TMPRSS11D: variants seen among roughly 807,000 people sequenced by gnomAD.
TMPRSS11D encodes transmembrane serine protease 11D.
Under a neutral mutation model 44.4 loss-of-function variants are expected in TMPRSS11D, and 32 were observed. The ratio of observed to expected loss-of-function variants is 0.72; its 90% CI spans 0.54 to 0.97. The LOEUF (loss-of-function observed/expected upper bound fraction) is 0.97, where lower values mean the gene tolerates loss of function less well. TMPRSS11D is among the 50% of genes least tolerant of loss of function. The pLI, the probability that TMPRSS11D is intolerant of heterozygous loss-of-function variation, is 0.00. For synonymous variants in TMPRSS11D, 179 were observed against 177.9 expected, an observed-to-expected ratio of 1.01 and a Z score of -0.05; for missense variants, 446 against 502.6, an observed-to-expected ratio of 0.89 and a Z score of 1.08.
At chr4:67,877,312 T>G (rs778282387) in intron 1 of TMPRSS11D, among the ~76,000 whole-genome samples, 9 of 152,184 alleles carry the variant, frequency 5.9e-5, no homozygotes, top group Non-Finnish European at 1.0e-4. Flanking sequence ...CAAATTTTTG[T>G]GTGCGTAAGA....
In TMPRSS11D at chr4:67,833,326, G is replaced by A. The variant is rs1174357307; in HGVS notation, c.570C>T (p.Gly190=). The A allele has an allele frequency of 6.3e-7, 1 of 1,591,860 alleles. No homozygotes were observed. The highest frequency in any genetic ancestry group is 8.5e-7 in the Non-Finnish European group (1 of 1,169,592). The change falls in exon 7 of 10, where the codon GGC becomes GGT. Residue 190 remains glycine, a synonymous_variant. Coordinates refer to ENST00000283916, the MANE Select transcript of TMPRSS11D (RefSeq NM_004262.3). ...ITLSEQRILG[G]TEAEEGSWPW... ...GCCAGCTTCCCTCCTCAGCCTCAGT[G>A]CCTCCAAGGATTCTCTGCTCAGACA...
In TMPRSS11D at chr4:67,883,903, A is replaced by G. The variant is rs375326729; in HGVS notation, c.8+23T>C. On this transcript the variant is annotated intron_variant, in intron 1 of 9. Transcript: ENST00000283916. ...AAGATATAGTAAAACTTTTAAAGCT[A>G]CAAAGACAAAAACAGGACTTACCTA... 1.4e-4 allele frequency: 219 copies of G among 1,591,536 alleles called. No homozygotes were observed. In the African/African-American group the frequency reaches 2.7e-3, roughly 20 times the overall value.
intron 1 of TMPRSS11D, among the ~76,000 whole-genome samples, chr4:67,875,395 C>T (rs1056476934): frequency 1.3e-5 from 2 of 152,128 alleles, no homozygotes; most frequent in African/African-American, 2.4e-5. Flanking sequence ...ACCTTCACAC[C>T]GTTCTCTCCA....
In TMPRSS11D at chr4:67,859,621, A is replaced by G; in HGVS notation, c.66T>C (p.Ile22=). The change falls in exon 2 of 10, where the codon ATT becomes ATC. Residue 22 remains isoleucine, a synonymous_variant. Coordinates refer to ENST00000283916, the MANE Select transcript of TMPRSS11D (RefSeq NM_004262.3). ...CCAGGATCACTACCCCTGCGACGAC[A>G]ATGAAACATACTACATATGGATTCA... ...RFLNPYVVCF[I]VVAGVVILAV... 1 of 1,613,310 alleles carries G rather than the reference A, an allele frequency of 6.2e-7. No individual in the cohort carries two copies. The highest frequency in any genetic ancestry group is 8.5e-7 in the Non-Finnish European group (1 of 1,179,410).
At chr4:67,864,891 T>A (rs1228562369) in intron 1 of TMPRSS11D, among the ~76,000 whole-genome samples, 1 of 151,664 alleles carries the variant, frequency 6.6e-6, no homozygotes, top group Admixed American at 6.6e-5. Flanking sequence ...TTACCACACT[T>A]AAGAGATAGA....
chr4:67,843,831 G>A (rs1210999504), intron 3 of TMPRSS11D, among the ~76,000 whole-genome samples: 3 of 152,230 alleles, frequency 2.0e-5, no homozygotes, highest in African/African-American at 7.2e-5. Context: ...GCTGAGGCAG[G>A]AGAATCACTT....
In TMPRSS11D at chr4:67,859,566, A is replaced by G. The variant is rs1247894085; in HGVS notation, c.121T>C (p.Leu41=). ...AVTIALLVYF[L]AFDQKSYFYR... is the part of the protein sequence containing the mutation. ...ATGTTCTGGTACTTACCAAAAGCTA[A>G]AAAGTAAACAAGTAGAGCTATGGTG... is the stretch of plus-strand genomic sequence containing the variant. Residue 41 remains leucine (L), a synonymous_variant, in exon 2 of 10, where the codon TTA becomes CTA. Transcript: ENST00000283916. 6.2e-7 allele frequency: 1 copy of G among 1,612,836 alleles called. No homozygotes were observed. The highest frequency in any genetic ancestry group is 8.5e-7 in the Non-Finnish European group (1 of 1,179,176).
intron 3 of TMPRSS11D, 111 bp from the exon 4 acceptor site, chr4:67,842,736 A>G: frequency 1.0e-6 from 1 of 982,564 alleles, no homozygotes; most frequent in Non-Finnish European, 1.5e-6. Flanking sequence ...CTGAATTTTC[A>G]CTTTAGTTCA....
In TMPRSS11D at chr4:67,821,011, A is replaced by T. The variant is rs542850624; in HGVS notation, c.*1326T>A. 1.3e-5 allele frequency: 2 copies of T among 152,334 alleles called. No homozygotes were observed. The highest frequency in any genetic ancestry group is 3.9e-4 in the East Asian group (2 of 5,190). The allele number at this position is 152,334 out of a possible 1,614,324, so 9.4% of individuals were successfully genotyped here. A position where few individuals can be genotyped will look rare whatever the true frequency, so the allele number is the denominator to read the frequency against. ...ATTGTAGGTGTTTGCACAATTTTAC[A>T]TCAGGAAATACAAGAAGTTTTCAGC... On this transcript the variant is annotated 3_prime_UTR_variant, in exon 10 of 10. Coordinates refer to ENST00000283916, the MANE Select transcript of TMPRSS11D (RefSeq NM_004262.3).
At chr4:67,848,599 G>T (rs532878840) in intron 3 of TMPRSS11D, among the ~76,000 whole-genome samples, 1 of 152,216 alleles carries the variant, frequency 6.6e-6, no homozygotes, top group Non-Finnish European at 1.5e-5. Flanking sequence ...GCCAATTAAT[G>T]ATATTAGAGA....
intron 9 of TMPRSS11D, among the ~76,000 whole-genome samples, chr4:67,823,069 T>C (rs1717691454): frequency 6.6e-6 from 1 of 152,174 alleles, no homozygotes; most frequent in Non-Finnish European, 1.5e-5. Context: ...AGATATACTA[T>C]AAGGTCCAAC....
Position 67,853,940 on chromosome 4 carries a change from A to C in TMPRSS11D, c.249+128T>G, listed in dbSNP as rs1418486805. Reference sequence around the variant, plus strand: ...ACTGGATAAAAGCAGAGAGAAACACATGTTTCACCATTCAAGGAAGGAAAA... The same window carrying C: ...ACTGGATAAAAGCAGAGAGAAACACCTGTTTCACCATTCAAGGAAGGAAAA... On this transcript the variant is annotated intron_variant, in intron 3 of 9. Transcript: ENST00000283916. 9.4e-6 allele frequency: 5 copies of C among 534,556 alleles called. No homozygotes were observed. The African/African-American group carries it at 1.2e-4, about 13-fold the overall frequency. 33.1% of individuals were successfully genotyped at this position (534,556 alleles called of 1,614,324 possible).
At chr4:67,830,794 A>G (rs529980030) in intron 7 of TMPRSS11D, among the ~76,000 whole-genome samples, 1 of 152,124 alleles carries the variant, frequency 6.6e-6, no homozygotes, top group African/African-American at 2.4e-5. Flanking sequence ...AGTAACATTT[A>G]TATTTAAATC....
Position 67,827,292 on chromosome 4 carries a change from A to G in TMPRSS11D, c.921T>C (p.Tyr307=). The G allele has an allele frequency of 6.2e-7, 1 of 1,612,744 alleles. No homozygotes were observed. The change falls in exon 8 of 10, where the codon TAT becomes TAC. Residue 307 remains tyrosine (Y), a synonymous_variant. Coordinates refer to ENST00000283916, the MANE Select transcript of TMPRSS11D (RefSeq NM_004262.3). ...ATTCTTGAGCGCCCCATCCTGTTACATAAGCAGTAGAGCCAGGTGGAATAT... is the reference window on the plus strand; with the variant it reads ...ATTCTTGAGCGCCCCATCCTGTTACGTAAGCAGTAGAGCCAGGTGGAATAT... The part of the protein sequence containing the change: ...TQNIPPGSTA[Y]VTGWGAQEYA...
chr4:67,850,184 G>T (rs1718467606), intron 3 of TMPRSS11D, among the ~76,000 whole-genome samples: 3 of 152,134 alleles, frequency 2.0e-5, no homozygotes, highest in Admixed American at 2.0e-4. Flanking sequence ...AGGATTTAGT[G>T]TATGATAAAG....
intron 1 of TMPRSS11D, among the ~76,000 whole-genome samples, chr4:67,876,157 A>G (rs886883193): frequency 2.0e-5 from 3 of 152,204 alleles, no homozygotes; most frequent in African/African-American, 7.2e-5. Flanking sequence ...AAGGTAATAT[A>G]TTACAATAGT....
intron 1 of TMPRSS11D, among the ~76,000 whole-genome samples, chr4:67,863,051 A>T (rs112878665): frequency 0.049 from 7,134 of 146,562 alleles, 392 homozygotes; most frequent in African/African-American, 0.15. Context: ...ATAATAAAAA[A>T]ATATATATAA....
chr4:67,839,917 G>T (rs996719048), intron 4 of TMPRSS11D, among the ~76,000 whole-genome samples: 1 of 151,130 alleles, frequency 6.6e-6, no homozygotes, highest in Non-Finnish European at 1.5e-5. Context: ...TGCCATGTTG[G>T]TGTGCTGCAC....
chr4:67,859,517 A>G lies in TMPRSS11D; in HGVS notation c.130+40T>C, dbSNP rs1446738452. ...AGACTTTAAATCTGAAATTGTATGT[A>G]GCTATTAAATCTGAAGAGTAATAAT... On this transcript the variant is annotated intron_variant, in intron 2 of 9. Transcript: ENST00000283916. The G allele has an allele frequency of 1.9e-6, 3 of 1,592,802 alleles. No individual in the cohort carries two copies. In the African/African-American group the frequency reaches 4.0e-5, roughly 21 times the overall value.
Sources: gnomAD v4.1 joint callset for allele counts (sites outside exome capture counted in the v4.1 genomes callset) on GRCh38, gnomAD v4.1.1 for gene constraint, MANE v1.5 for transcripts, NCBI Gene and HGNC (gene_info 2026-07-23, HGNC 2026-07-21) for gene names.